The following CD163L1 variants were observed in gnomAD, a reference collection of about 807,000 sequenced individuals.
CD163L1 encodes scavenger receptor cysteine-rich type 1 protein M160.
Under a neutral mutation model 165.4 loss-of-function variants are expected in CD163L1, and 124 were observed. The observed-to-expected ratio is 0.75, with a 90% CI of 0.65 to 0.87. CD163L1 has a LOEUF of 0.87. Ranked by LOEUF, CD163L1 falls within the 40% of genes least tolerant of loss-of-function variation. CD163L1 has a pLI of 0.00. For missense variants in CD163L1, 1,525 were observed against 1,799.9 expected (o/e 0.85, Z 2.76); for synonymous variants, 585 against 662.2 (o/e 0.88, Z 1.79).
downstream of CD163L1, among the ~76,000 whole-genome samples, chr12:7,344,088 T>G (rs1481864217): frequency 1.4e-5 from 2 of 144,570 alleles, no homozygotes; most frequent in Middle Eastern, 3.6e-3. Flanking sequence ...TTTTTTTTTG[T>G]TTGTTTTTTT....
chr12:7,439,754 G>A (rs1192766451), intron 2 of CD163L1: 17 of 1,612,306 alleles, frequency 1.1e-5, no homozygotes, highest in Admixed American at 1.7e-5. Context: ...CCTTTCCAGC[G>A]AACTTTGTAA....
intron 18 of CD163L1, among the ~76,000 whole-genome samples, chr12:7,360,081 A>T (rs754115891): frequency 6.6e-6 from 1 of 152,060 alleles, no homozygotes; most frequent in East Asian, 1.9e-4. Context: ...ATATTTCTTT[A>T]AAAAAAATTC....
At chr12:7,386,615 A>T (rs999490789) in intron 8 of CD163L1, among the ~76,000 whole-genome samples, 7 of 151,698 alleles carry the variant, frequency 4.6e-5, no homozygotes, top group Non-Finnish European at 8.8e-5. Flanking sequence ...AAAAAAAAAA[A>T]AAAAAACAGT....
intron 4 of CD163L1, among the ~76,000 whole-genome samples, chr12:7,417,330 G>C (rs996365934): frequency 2.0e-5 from 3 of 152,094 alleles, no homozygotes; most frequent in Non-Finnish European, 4.4e-5. Flanking sequence ...AGATGATGGG[G>C]TTTTCTAACT....
chr12:7,368,031 G>T lies in CD163L1; in HGVS notation c.4183+56C>A. 1.0e-6 allele frequency: 1 copy of T among 983,464 alleles called. No homozygotes were observed. Among genetic ancestry groups the T allele is most frequent in the Non-Finnish European group, 1.6e-6 (1 of 610,288 alleles). 60.9% of individuals were successfully genotyped at this position (983,464 alleles called of 1,614,324 possible). A position where few individuals can be genotyped will look rare whatever the true frequency, so the allele number is the denominator to read the frequency against. On this transcript the variant is annotated intron_variant, in intron 17 of 19. Coordinates refer to ENST00000313599, the MANE Select transcript of CD163L1 (RefSeq NM_174941.6). The surrounding 1 kb of genome is among the most constrained non-coding windows in gnomAD (Gnocchi z 4.3). ...CCATTCTGCAAGAATCCCCCATCCT[G>T]TGTGCCCTTGGTGGCAGGTAACTCA...
chr12:7,426,052 C>G (rs1318508130), intron 4 of CD163L1, among the ~76,000 whole-genome samples: 1 of 152,146 alleles, frequency 6.6e-6, no homozygotes, highest in Non-Finnish European at 1.5e-5. Flanking sequence ...AAATGCCCAT[C>G]AATGATAGAC....
intron 4 of CD163L1, among the ~76,000 whole-genome samples, chr12:7,413,506 T>C (rs1276705909): frequency 6.6e-6 from 1 of 152,192 alleles, no homozygotes; most frequent in Non-Finnish European, 1.5e-5. Flanking sequence ...TCACATGCCA[T>C]GTAGGATGCC....
In CD163L1 at chr12:7,438,832, G is replaced by A. The variant is rs1948774525; in HGVS notation, c.124+2322C>T. 32 of 1,557,914 alleles carry A rather than the reference G, an allele frequency of 2.1e-5. No individual in the cohort carries two copies. In the South Asian group the frequency reaches 3.4e-4, roughly 17 times the overall value. On this transcript the variant is annotated intron_variant, in intron 2 of 19. Coordinates refer to ENST00000313599, the MANE Select transcript of CD163L1 (RefSeq NM_174941.6). ...CTCTCTCTTCCCCGCTCAACCTCCAGCCCTTTGGCGTTTGGACAGATATAG... is the reference window on the plus strand; with the variant it reads ...CTCTCTCTTCCCCGCTCAACCTCCAACCCTTTGGCGTTTGGACAGATATAG...
chr12:7,417,124 T>C (rs1179893396), intron 4 of CD163L1, among the ~76,000 whole-genome samples: 2 of 152,142 alleles, frequency 1.3e-5, no homozygotes, highest in African/African-American at 4.8e-5. Context: ...CTTGAAGAGG[T>C]CCTTCATGTC....
At chr12:7,439,525 T>C (rs983427398) in intron 2 of CD163L1, 60 of 1,577,062 alleles carry the variant, frequency 3.8e-5, no homozygotes, top group Non-Finnish European at 4.9e-5. Context: ...CCTTAATTTT[T>C]TCTTTTTCTT....
chr12:7,410,225 G>A (rs537268594), intron 4 of CD163L1, among the ~76,000 whole-genome samples: 101 of 152,284 alleles, frequency 6.6e-4, no homozygotes, highest in Non-Finnish European at 1.0e-3. Context: ...GAGGAACAAA[G>A]TAGGGAATAA....
chr12:7,421,386 A>C (rs1246615414), intron 4 of CD163L1, among the ~76,000 whole-genome samples: 1 of 88,310 alleles, frequency 1.1e-5, no homozygotes, highest in Non-Finnish European at 1.9e-5. Context: ...CATTTGGAAG[A>C]TATATATGTA....
chr12:7,322,619 G>A, the CD163L1 span: 2 of 1,502,958 alleles, frequency 1.3e-6, no homozygotes, highest in South Asian at 2.7e-5. Flanking sequence ...CCCCTGAAGT[G>A]CCCCCATCCC....
rs181359675 is a variant in CD163L1, at chr12:7,382,018, T to A, written c.2051-2720A>T. 4.3e-3 allele frequency among the ~76,000 whole-genome samples: 631 copies of A among 147,876 alleles called. 5 individuals are homozygous for A. Among genetic ancestry groups the A allele is most frequent in the African/African-American group, 0.015 (603 of 40,834 alleles). The stretch of plus-strand genomic sequence containing the variant: ...ATAATTATATATTTATATATAATGG[T>A]TTTATATAGAATTGTTTATATATAA... On this transcript the variant is annotated intron_variant, in intron 8 of 19. Transcript: ENST00000313599.
At chr12:7,320,676 G>A in the CD163L1 span, 1 of 1,471,212 alleles carries the variant, frequency 6.8e-7, no homozygotes. Flanking sequence ...CTCTAGTCAT[G>A]GCCTTTGAAT....
chr12:7,429,238 A>T (rs973915375), intron 4 of CD163L1, among the ~76,000 whole-genome samples: 38 of 152,068 alleles, frequency 2.5e-4, no homozygotes, highest in Non-Finnish European at 1.3e-4. Flanking sequence ...TATGACATTT[A>T]AAAATAAAAA....
intron 4 of CD163L1, among the ~76,000 whole-genome samples, chr12:7,407,672 T>TAC: frequency 6.6e-6 from 1 of 151,408 alleles, no homozygotes; most frequent in East Asian, 2.0e-4. Context: ...CATATATATA[T>TAC]ACACACACAT....
At chr12:7,421,177 A>G (rs368057650) in intron 4 of CD163L1, among the ~76,000 whole-genome samples, 4 of 135,478 alleles carry the variant, frequency 3.0e-5, no homozygotes, top group Admixed American at 2.4e-4. Context: ...GTATATATGT[A>G]TATATATGTG....
At chr12:7,345,878 G>C (rs989572006), downstream of CD163L1, among the ~76,000 whole-genome samples, 2 of 152,132 alleles carry the variant, frequency 1.3e-5, no homozygotes, top group African/African-American at 4.8e-5. Flanking sequence ...CACATGGCAA[G>C]GGCAGGAGTG....
Sources: allele counts gnomAD v4.1 joint callset (sites outside exome capture counted in the v4.1 genomes callset), GRCh38; gene constraint gnomAD v4.1.1; non-coding constraint Gnocchi (gnomAD v3.1); transcripts MANE v1.5; gene names NCBI Gene and HGNC (gene_info 2026-07-23, HGNC 2026-07-21).